Variants in SLC25A36 observed in about 807,000 individuals in gnomAD.
SLC25A36 encodes solute carrier family 25 member 36.
A neutral mutation model predicts 35.3 loss-of-function variants in SLC25A36; 24 were observed. The observed-to-expected ratio is 0.68, with a 90% CI of 0.49 to 0.96. The LOEUF (loss-of-function observed/expected upper bound fraction) is 0.96, where lower values mean the gene tolerates loss of function less well. Ranked by LOEUF, SLC25A36 falls within the 40% of genes least tolerant of loss-of-function variation. The pLI, the probability that SLC25A36 is intolerant of heterozygous loss-of-function variation, is 0.00. For synonymous variants in SLC25A36, 141 were observed against 132.2 expected, an observed-to-expected ratio of 1.07 and a Z score of -0.46; for missense variants, 294 against 381.1, an observed-to-expected ratio of 0.77 and a Z score of 1.90.
intron 3 of SLC25A36, among the ~76,000 whole-genome samples, chr3:140,962,632 C>T (rs1310352459): frequency 6.6e-6 from 1 of 151,322 alleles, no homozygotes; most frequent in African/African-American, 2.4e-5. Context: ...GCTTCACCCT[C>T]TTCTCCCCAT....
At chr3:140,952,175 C>T (rs1197045200) in intron 1 of SLC25A36, among the ~76,000 whole-genome samples, 3 of 152,084 alleles carry the variant, frequency 2.0e-5, no homozygotes. Flanking sequence ...CACCACCAGG[C>T]CCAGCTAATT....
Position 140,973,987 on chromosome 3 carries a change from A to C in SLC25A36, c.724A>C (p.Thr242Pro). 1 of 1,564,978 alleles carries C rather than the reference A, an allele frequency of 6.4e-7. No individual in the cohort carries two copies. Among genetic ancestry groups the C allele is most frequent in the Non-Finnish European group, 8.7e-7 (1 of 1,150,682 alleles). The stretch of plus-strand genomic sequence containing the variant: ...TGCCACCTCAAAAACTTGTGCCACA[A>C]CTATAGCATATCCACATGGTAAGAA... ...AAATSKTCAT[T>P]IAYPHEVVRT... Residue 242 changes from threonine (T) to proline (P), a missense_variant, in exon 6 of 7, where the codon ACT becomes CCT. Around this residue, in one of 2 missense-constraint regions of SLC25A36, gnomAD observed 109 missense variants for 179.7 expected, o/e 0.61. Coordinates refer to ENST00000324194, the MANE Select transcript of SLC25A36 (RefSeq NM_001104647.3).
chr3:140,951,685 G>T (rs892622705), intron 1 of SLC25A36, among the ~76,000 whole-genome samples: 5 of 151,800 alleles, frequency 3.3e-5, no homozygotes, highest in South Asian at 2.1e-4. Context: ...AGTAGAGGTG[G>T]TGTTTCACCA....
rs78892418 is a variant in SLC25A36, at chr3:140,947,207, T to C, written c.41+5112T>C. ...TTAATTGAGGAACTTTGGTGACTTT[T>C]AGTAATTTCCAGGGCAGGGGAGTAA... On this transcript the variant is annotated intron_variant, in intron 1 of 6. Coordinates refer to ENST00000324194, the MANE Select transcript of SLC25A36 (RefSeq NM_001104647.3). Among the ~76,000 whole-genome samples, 21 of 152,320 alleles carry C rather than the reference T, an allele frequency of 1.4e-4. No individual in the cohort carries two copies. The East Asian group carries it at 3.7e-3, about 27-fold the overall frequency.
At position 140,970,914 on chromosome 3, in the gene SLC25A36, C is replaced by A; in HGVS notation, c.386-13C>A. The A allele has an allele frequency of 1.5e-6, 2 of 1,337,566 alleles. No individual in the cohort carries two copies. The highest frequency in any genetic ancestry group is 2.1e-6 in the Non-Finnish European group (2 of 932,954). The allele number at this position is 1,337,566 out of a possible 1,614,324, so 82.9% of individuals were successfully genotyped here. Reference sequence around the variant, plus strand: ...CATTTTTACCAGAGTTCATTTTAAACATGTTTGTTTAGGTTTTACTGCAAT... The same window carrying A: ...CATTTTTACCAGAGTTCATTTTAAAAATGTTTGTTTAGGTTTTACTGCAAT... On this transcript the variant is annotated splice_polypyrimidine_tract_variant and intron_variant, in intron 4 of 6. Coordinates refer to ENST00000324194, the MANE Select transcript of SLC25A36 (RefSeq NM_001104647.3).
intron 3 of SLC25A36, among the ~76,000 whole-genome samples, chr3:140,962,655 ATGT>A (rs1934659159): frequency 6.6e-6 from 1 of 151,362 alleles, no homozygotes; most frequent in Non-Finnish European, 1.5e-5. Flanking sequence ...AGAAAATTAT[ATGT>A]TAAGTGCTCA....
chr3:140,942,991 A>T (rs1311948021), intron 1 of SLC25A36, among the ~76,000 whole-genome samples: 2 of 152,110 alleles, frequency 1.3e-5, no homozygotes, highest in Non-Finnish European at 2.9e-5. Flanking sequence ...GTTAATAGTT[A>T]CTATGTGTGT....
chr3:140,955,023 CTG>C (rs1934439862), intron 1 of SLC25A36, among the ~76,000 whole-genome samples: 1 of 151,972 alleles, frequency 6.6e-6, no homozygotes, highest in Admixed American at 6.5e-5. Context: ...TTAAAATGTA[CTG>C]TGAGGTAAGG....
chr3:140,953,456 A>G (rs981657383), intron 1 of SLC25A36, among the ~76,000 whole-genome samples: 22 of 151,610 alleles, frequency 1.5e-4, no homozygotes, highest in African/African-American at 5.3e-4. Flanking sequence ...ATTTTTTTGA[A>G]GTGTTAAGCT....
At chr3:140,968,227 G>T (rs190013682) in intron 4 of SLC25A36, 1 of 951,570 alleles carries the variant, frequency 1.1e-6, no homozygotes, top group East Asian at 1.2e-4. Flanking sequence ...TTGGTTAGGA[G>T]AAAGTAATAG....
rs1258414580 is a variant in SLC25A36, at chr3:140,963,111, T to C, written c.285-16T>C. 1 of 1,486,370 alleles carries C rather than the reference T, an allele frequency of 6.7e-7. No homozygotes were observed. The highest frequency in any genetic ancestry group is 9.1e-7 in the Non-Finnish European group (1 of 1,101,006). The allele number at this position is 1,486,370 out of a possible 1,614,324, so 92.1% of individuals were successfully genotyped here. A position where few individuals can be genotyped will look rare whatever the true frequency, so the allele number is the denominator to read the frequency against. On this transcript the variant is annotated splice_polypyrimidine_tract_variant and intron_variant, in intron 3 of 6. Coordinates refer to ENST00000324194, the MANE Select transcript of SLC25A36 (RefSeq NM_001104647.3). ...TTAAGAACATGCTTATTGATAAATC[T>C]AAATCTCTATTTTAGAGCAATATAC... is the stretch of plus-strand genomic sequence containing the variant.
At chr3:140,961,995 A>G (rs1934643305) in intron 3 of SLC25A36, among the ~76,000 whole-genome samples, 1 of 149,344 alleles carries the variant, frequency 6.7e-6, no homozygotes, top group Non-Finnish European at 1.5e-5. Flanking sequence ...CTGTTTTAAT[A>G]TGATTTATTT....
At chr3:140,962,039 G>C (rs575881441) in intron 3 of SLC25A36, among the ~76,000 whole-genome samples, 2 of 151,888 alleles carry the variant, frequency 1.3e-5, no homozygotes, top group African/African-American at 4.8e-5. Context: ...CTTGTAATTT[G>C]TCATTTGTAT....
chr3:140,959,390 C>G lies in SLC25A36; in HGVS notation c.207-73C>G, dbSNP rs574387420. ...CAAATGTACTGGATTTAGACTCTAACTTTATATACAAAGTAAATAAAGTAC... is the reference window on the plus strand; with the variant it reads ...CAAATGTACTGGATTTAGACTCTAAGTTTATATACAAAGTAAATAAAGTAC... On this transcript the variant is annotated intron_variant, in intron 2 of 6. Coordinates refer to ENST00000324194, the MANE Select transcript of SLC25A36 (RefSeq NM_001104647.3). 9.5e-5 allele frequency: 80 copies of G among 838,364 alleles called. No individual in the cohort carries two copies. In the South Asian group the frequency reaches 1.5e-3, roughly 15 times the overall value. The allele number at this position is 838,364 out of a possible 1,614,324, so 51.9% of individuals were successfully genotyped here. A position where few individuals can be genotyped will look rare whatever the true frequency, so the allele number is the denominator to read the frequency against.
At chr3:140,951,323 G>A (rs1462466841) in intron 1 of SLC25A36, among the ~76,000 whole-genome samples, 1 of 152,152 alleles carries the variant, frequency 6.6e-6, no homozygotes, top group African/African-American at 2.4e-5. Context: ...TCTGATTTCA[G>A]TGTGCATAAT....
intron 6 of SLC25A36, among the ~76,000 whole-genome samples, chr3:140,975,097 CTTTTTTTTT>C (rs10662120): frequency 3.3e-4 from 18 of 55,222 alleles, no homozygotes; most frequent in East Asian, 4.8e-4. Flanking sequence ...AAGATACATT[CTTTTTTTTT>C]TTTTTTTTTT....
At position 140,974,048 on chromosome 3, in the gene SLC25A36, C is replaced by T; in HGVS notation, c.742+43C>T. On this transcript the variant is annotated intron_variant, in intron 6 of 6. Coordinates refer to ENST00000324194, the MANE Select transcript of SLC25A36 (RefSeq NM_001104647.3). ...TTAAATCAGAAATATTTTCCCACCC[C>T]AGCCAACAGCTCACTTATTAAAGCA... 2.3e-6 allele frequency: 3 copies of T among 1,302,720 alleles called. No homozygotes were observed. The Admixed American group carries it at 6.8e-5, about 30-fold the overall frequency. 80.7% of individuals were successfully genotyped at this position (1,302,720 alleles called of 1,614,324 possible).
rs1935139017 is a variant in SLC25A36, at chr3:140,979,636, C to T, written c.*3183C>T. 1 of 152,130 alleles carries T rather than the reference C, an allele frequency of 6.6e-6. No individual in the cohort carries two copies. The highest frequency in any genetic ancestry group is 2.1e-4 in the South Asian group (1 of 4,830). The allele number at this position is 152,130 out of a possible 1,614,324, so 9.4% of individuals were successfully genotyped here. A position where few individuals can be genotyped will look rare whatever the true frequency, so the allele number is the denominator to read the frequency against. On this transcript the variant is annotated 3_prime_UTR_variant, in exon 7 of 7. Transcript: ENST00000324194. The stretch of plus-strand genomic sequence containing the variant: ...CTTCTCCATCATGTACTTAGTATTT[C>T]CCATTAACCTACACACTGATTTTTA...
rs1046986552 is a variant in SLC25A36 at position 140,977,478 on chromosome 3, C to T, written c.*1025C>T. ...AGTATAAATATTATAGACAAGGGCC[C>T]CCTTGCTGTCTGCTTTAGCAGGTAG... On this transcript the variant is annotated 3_prime_UTR_variant, in exon 7 of 7. Transcript: ENST00000324194. 2.9e-4 allele frequency: 44 copies of T among 152,026 alleles called. No homozygotes were observed. The highest frequency in any genetic ancestry group is 2.8e-3 in the Admixed American group (42 of 15,250). 9.4% of individuals were successfully genotyped at this position (152,026 alleles called of 1,614,324 possible).
Sources: gnomAD v4.1 joint callset for allele counts (sites outside exome capture counted in the v4.1 genomes callset) on GRCh38, gnomAD v4.1.1 for gene constraint, gnomAD v4.1.1 regional missense constraint, MANE v1.5 for transcripts, NCBI Gene and HGNC (gene_info 2026-07-23, HGNC 2026-07-21) for gene names.